Variants in NEK4 observed in about 807,000 individuals in gnomAD.
The protein encoded by NEK4 is NIMA related kinase 4.
A neutral mutation model predicts 98.4 loss-of-function variants in NEK4; 86 were observed. The observed-to-expected ratio is 0.87, with a 90% CI of 0.73 to 1.05. The LOEUF (loss-of-function observed/expected upper bound fraction) is 1.05, where lower values mean the gene tolerates loss of function less well. NEK4 is among the 50% of genes least tolerant of loss of function. NEK4 has a pLI of 0.00. For synonymous variants in NEK4, 328 were observed against 342.2 expected, an observed-to-expected ratio of 0.96 and a Z score of 0.46; for missense variants, 898 against 950.3, an observed-to-expected ratio of 0.94 and a Z score of 0.72.
intron 11 of NEK4, among the ~76,000 whole-genome samples, 199 bp from the exon 12 acceptor site, chr3:52,743,660 T>C (rs2097390631): frequency 6.6e-6 from 1 of 152,226 alleles, no homozygotes; most frequent in Non-Finnish European, 1.5e-5. Flanking sequence ...CTTGGGCAAG[T>C]TACTTAACTC....
Position 52,746,900 on chromosome 3 carries a change from T to C in NEK4, c.1511A>G (p.Gln504Arg), listed in dbSNP as rs1027254487. The C allele has an allele frequency of 6.2e-7, 1 of 1,611,136 alleles. No individual in the cohort carries two copies. The highest frequency in any genetic ancestry group is 8.5e-7 in the Non-Finnish European group (1 of 1,177,636). Reference sequence around the variant, plus strand: ...TTCTATAATACATTCACCAGCAACTTGATCCTTAAAAACAATAAAATGACA... The same window carrying C: ...TTCTATAATACATTCACCAGCAACTCGATCCTTAAAAACAATAAAATGACA... ...ITGVCHHAQD[Q>R]VAGECIIEKQ... The change falls in exon 9 of 16, where the codon CAA becomes CGA. Residue 504 changes from glutamine to arginine, a missense_variant. Gln to Arg is a conservative substitution (Grantham distance 43, BLOSUM62 1). Coordinates refer to ENST00000233027, the MANE Select transcript of NEK4 (RefSeq NM_003157.6).
chr3:52,762,925 G>C (rs1211418515), intron 5 of NEK4, among the ~76,000 whole-genome samples: 3 of 152,110 alleles, frequency 2.0e-5, no homozygotes, highest in African/African-American at 7.2e-5. Flanking sequence ...AGGGCACTCT[G>C]ATCTTCCCTT....
intron 5 of NEK4, among the ~76,000 whole-genome samples, chr3:52,762,531 A>C: frequency 6.6e-6 from 1 of 152,216 alleles, no homozygotes. Context: ...GCAATTAAGC[A>C]AATTTCAACA....
At chr3:52,739,951 G>A (rs2097383042) in intron 13 of NEK4, among the ~76,000 whole-genome samples, 1 of 152,146 alleles carries the variant, frequency 6.6e-6, no homozygotes, top group East Asian at 1.9e-4. Flanking sequence ...CTACAGAAAG[G>A]ACAGAGTTCA....
At chr3:52,719,293 A>G (rs1192155613) in intron 15 of NEK4, among the ~76,000 whole-genome samples, 3 of 152,168 alleles carry the variant, frequency 2.0e-5, no homozygotes, top group Non-Finnish European at 4.4e-5. Flanking sequence ...ACTAAACTAT[A>G]GGGTGGGCTA....
intron 1 of NEK4, among the ~76,000 whole-genome samples, chr3:52,770,165 T>G (rs1381758516): frequency 1.3e-5 from 2 of 151,988 alleles, no homozygotes; most frequent in East Asian, 1.9e-4. Flanking sequence ...ACGGAAGACA[T>G]GAGAGAAGGT....
chr3:52,767,154 C>T (rs999526336), intron 2 of NEK4, among the ~76,000 whole-genome samples: 14 of 151,864 alleles, frequency 9.2e-5, no homozygotes, highest in Middle Eastern at 3.2e-3. Flanking sequence ...GGCATGGTGA[C>T]GCACGCCTAT....
In NEK4 at chr3:52,770,901, C is replaced by T. The variant is rs1698760602; in HGVS notation, c.-155G>A. 1.6e-6 allele frequency: 1 copy of T among 633,530 alleles called. No homozygotes were observed. The highest frequency in any genetic ancestry group is 2.7e-6 in the Non-Finnish European group (1 of 367,340). 39.2% of individuals were successfully genotyped at this position (633,530 alleles called of 1,614,324 possible). A position where few individuals can be genotyped will look rare whatever the true frequency, so the allele number is the denominator to read the frequency against. ...GGGATTGCTGGGGCCCGGCCCGCGA[C>T]GACGCCGCTGCCATAGCGATCCGGG... On this transcript the variant is annotated 5_prime_UTR_variant, in exon 1 of 16. Coordinates refer to ENST00000233027, the MANE Select transcript of NEK4 (RefSeq NM_003157.6).
rs1698667470 is a variant in NEK4 at position 52,768,579 on chromosome 3, CG to C, written c.118del (p.Arg40GlufsTer21). 1 of 1,614,078 alleles carries C rather than the reference CG, an allele frequency of 6.2e-7. No individual in the cohort carries two copies. Among genetic ancestry groups the C allele is most frequent in the East Asian group, 2.2e-5 (1 of 44,888 alleles). ...TCGCCGCTCTCGGCTAGAGGCATTTCGGAGGTTCAGTTTTTTGATGACATAC... is the reference window on the plus strand; with the variant it reads ...TCGCCGCTCTCGGCTAGAGGCATTTCGAGGTTCAGTTTTTTGATGACATAC... The part of the protein sequence containing the change: ...KQYVIKKLNL[R>X]NASSRERRAA... On this transcript the variant is annotated frameshift_variant, in exon 2 of 16. Transcript: ENST00000233027. LOFTEE classifies it high-confidence loss of function.
chr3:52,723,720 CCAT>C (rs2097362115), intron 15 of NEK4, among the ~76,000 whole-genome samples: 1 of 152,022 alleles, frequency 6.6e-6, no homozygotes, highest in African/African-American at 2.4e-5. Flanking sequence ...CTATAGAACA[CCAT>C]CAAGCAGCCC....
At chr3:52,743,545 C>A in intron 11 of NEK4, 84 bp from the exon 12 acceptor site, 2 of 980,792 alleles carry the variant, frequency 2.0e-6, no homozygotes, top group East Asian at 4.8e-5. Flanking sequence ...GGAACATACC[C>A]CAGCAGGAGC....
intron 7 of NEK4, 94 bp downstream of exon 7, chr3:52,751,838 G>A (rs781638816): frequency 7.7e-5 from 95 of 1,231,998 alleles, no homozygotes; most frequent in Non-Finnish European, 1.0e-4. Flanking sequence ...TAGAATTACT[G>A]ATTTTCCTAA....
At chr3:52,743,505 C>T (rs1561308273) in intron 11 of NEK4, 44 bp from the exon 12 acceptor site, 10 of 1,506,632 alleles carry the variant, frequency 6.6e-6, no homozygotes, top group Non-Finnish European at 9.2e-6. Context: ...GGTGGGCTGC[C>T]CCAGTTGAAA....
intron 6 of NEK4, chr3:52,753,733 AC>A (rs2097409634): frequency 1.8e-6 from 1 of 563,214 alleles, no homozygotes; most frequent in Non-Finnish European, 3.6e-6. Context: ...CTTCCTACAG[AC>A]TCGTCCACCT....
chr3:52,718,553 A>C (rs201159873), intron 15 of NEK4, among the ~76,000 whole-genome samples: 1 of 152,108 alleles, frequency 6.6e-6, no homozygotes, highest in East Asian at 1.9e-4. Context: ...GGATAGTTCA[A>C]CTACGTGCTT....
intron 15 of NEK4, 35 bp downstream of exon 15, chr3:52,737,551 C>T (rs1284722214): frequency 6.2e-7 from 1 of 1,609,366 alleles, no homozygotes; most frequent in Non-Finnish European, 8.5e-7. Flanking sequence ...AATTCTATAA[C>T]ATAAGCATCT....
In NEK4 at chr3:52,710,528, A is replaced by C. The variant is rs1024632289; in HGVS notation, c.*1249T>G. 4 of 152,150 alleles carry C rather than the reference A, an allele frequency of 2.6e-5. No individual in the cohort carries two copies. Among genetic ancestry groups the C allele is most frequent in the African/African-American group, 9.7e-5 (4 of 41,426 alleles). The allele number at this position is 152,150 out of a possible 1,614,324, so 9.4% of individuals were successfully genotyped here. A position where few individuals can be genotyped will look rare whatever the true frequency, so the allele number is the denominator to read the frequency against. Reference sequence around the variant, plus strand: ...GTAATCCTGGCACTTTGGGAGGCTGAGGTGAGTGGATTGCTTGAGCCCAGG... The same window carrying C: ...GTAATCCTGGCACTTTGGGAGGCTGCGGTGAGTGGATTGCTTGAGCCCAGG... On this transcript the variant is annotated 3_prime_UTR_variant, in exon 16 of 16. Coordinates refer to ENST00000233027, the MANE Select transcript of NEK4 (RefSeq NM_003157.6).
chr3:52,755,550 A>G (rs1334090715), intron 6 of NEK4, among the ~76,000 whole-genome samples: 3 of 152,174 alleles, frequency 2.0e-5, no homozygotes, highest in Non-Finnish European at 4.4e-5. Context: ...TAACATAATA[A>G]AAGTCATATA....
intron 1 of NEK4, among the ~76,000 whole-genome samples, chr3:52,769,346 A>G (rs138228712): frequency 2.0e-4 from 30 of 152,376 alleles, no homozygotes; most frequent in African/African-American, 7.2e-4. Flanking sequence ...AGATACTCAA[A>G]GGGATCCATG....
Sources: allele counts gnomAD v4.1 joint callset (sites outside exome capture counted in the v4.1 genomes callset), GRCh38; gene constraint gnomAD v4.1.1; transcripts MANE v1.5; gene names NCBI Gene and HGNC (gene_info 2026-07-23, HGNC 2026-07-21).